The following RBFOX1 variants were observed in gnomAD, a reference collection of about 807,000 sequenced individuals.
The protein encoded by RBFOX1 is RNA binding protein fox-1 homolog 1.
In RBFOX1, 8 loss-of-function variants were observed where a neutral mutation model predicts 57.7. That is an observed-to-expected ratio of 0.14 (90% CI 0.08 to 0.25). The LOEUF is 0.25. Among genes scored for constraint, RBFOX1 ranks in the 10% least tolerant of loss-of-function variants. RBFOX1 has a pLI of 1.00. For missense variants in RBFOX1, 611 were observed against 548.5 expected, an observed-to-expected ratio of 1.11 and a Z score of -1.14; for synonymous variants, 326 against 222.4, an observed-to-expected ratio of 1.47 and a Z score of -4.15.
At chr16:6,964,340 G>T (rs958420355) in intron 3 of RBFOX1, among the ~76,000 whole-genome samples, 48 of 152,322 alleles carry the variant, frequency 3.2e-4, no homozygotes, top group African/African-American at 1.1e-3. Context: ...TTTTAGGGCA[G>T]TGAAAATACT....
chr16:5,783,532 A>G lies in RBFOX1; in HGVS notation c.319-83771A>G, dbSNP rs565631332. On this transcript the variant is annotated intron_variant, in intron 3 of 19. Coordinates refer to the RBFOX1 transcript ENST00000641259. ...ATCACCCTCATCCCGTTATCCAGAC[A>G]TCACGTCTGTTTTCATCGTGGTAAA... Among the ~76,000 whole-genome samples, 8 of 152,360 alleles carry G rather than the reference A, an allele frequency of 5.3e-5. No individual in the cohort carries two copies. The South Asian group carries it at 1.2e-3, about 24-fold the overall frequency.
intron 3 of RBFOX1, among the ~76,000 whole-genome samples, chr16:6,739,669 G>T (rs1039335205): frequency 6.6e-6 from 1 of 152,128 alleles, no homozygotes; most frequent in Non-Finnish European, 1.5e-5. Flanking sequence ...ATGAGGTCAC[G>T]AGTTCGAGAC....
chr16:5,392,264 T>C (rs2066432495), intron 1 of RBFOX1, among the ~76,000 whole-genome samples: 1 of 151,936 alleles, frequency 6.6e-6, no homozygotes, highest in Non-Finnish European at 1.5e-5. Flanking sequence ...TACCACCTGT[T>C]CCTCTAAAAC....
intron 3 of RBFOX1, among the ~76,000 whole-genome samples, chr16:7,006,726 A>T (rs900480100): frequency 1.8e-4 from 28 of 152,144 alleles, no homozygotes; most frequent in African/African-American, 6.3e-4. Context: ...GGGATTACGG[A>T]CATGAGCCAC....
chr16:7,526,485 G>A (rs892515968), intron 5 of RBFOX1, among the ~76,000 whole-genome samples: 1 of 152,092 alleles, frequency 6.6e-6, no homozygotes, highest in Admixed American at 6.5e-5. Context: ...CCCTTCCTCA[G>A]CTGTGACCCT....
chr16:7,092,222 GTTGTTTGTTTCTC>G lies in RBFOX1; in HGVS notation c.27+40137_27+40149del, dbSNP rs551845588. ...CACTGTTTTATTAGTAGGGTTTGTTGTTGTTTGTTTCTCTTGTTTGTTTCTGCTTTAGTGTGTG... is the reference window on the plus strand; with the variant it reads ...CACTGTTTTATTAGTAGGGTTTGTTGTTGTTTGTTTCTGCTTTAGTGTGTG... On this transcript the variant is annotated intron_variant, in intron 4 of 15. Transcript: ENST00000550418. 9.2e-5 allele frequency among the ~76,000 whole-genome samples: 14 copies of G among 152,302 alleles called. No individual in the cohort carries two copies. The East Asian group carries it at 1.4e-3, about 15-fold the overall frequency.
intron 2 of RBFOX1, among the ~76,000 whole-genome samples, chr16:5,548,169 A>AT (rs1567217442): frequency 3.7e-3 from 161 of 42,952 alleles, no homozygotes; most frequent in African/African-American, 5.0e-3. Flanking sequence ...AAAAAAAAAA[A>AT]AAAAAATATA....
intron 2 of RBFOX1, among the ~76,000 whole-genome samples, chr16:5,490,372 C>T (rs1191463260): frequency 6.6e-6 from 1 of 152,198 alleles, no homozygotes; most frequent in Non-Finnish European, 1.5e-5. Context: ...AGGAGCTTTG[C>T]TCAGGGGCAC....
At chr16:5,900,758 G>A (rs187677997) in intron 4 of RBFOX1, among the ~76,000 whole-genome samples, 1 of 152,276 alleles carries the variant, frequency 6.6e-6, no homozygotes, top group Admixed American at 6.5e-5. Context: ...AGGGGATGGT[G>A]CCAGGAATGT....
chr16:7,526,208 C>G (rs114101689), intron 5 of RBFOX1, among the ~76,000 whole-genome samples: 284 of 152,318 alleles, frequency 1.9e-3, no homozygotes, highest in African/African-American at 6.6e-3. Flanking sequence ...AAACCATCCT[C>G]CCTGCCCCAC....
chr16:7,483,490 AGT>A (rs2151297309), intron 4 of RBFOX1, among the ~76,000 whole-genome samples: 1 of 152,324 alleles, frequency 6.6e-6, no homozygotes, highest in Non-Finnish European at 1.5e-5. Context: ...AAAAGCAGTT[AGT>A]GTGTGGTGGA....
intron 5 of RBFOX1, among the ~76,000 whole-genome samples, chr16:7,566,327 G>A (rs2091681870): frequency 1.3e-5 from 2 of 152,072 alleles, no homozygotes; most frequent in South Asian, 4.1e-4. Context: ...TCTGTTTCCA[G>A]CCCAGACCTA....
intron 3 of RBFOX1, among the ~76,000 whole-genome samples, chr16:6,905,582 T>C (rs1274735084): frequency 6.6e-6 from 1 of 151,304 alleles, no homozygotes; most frequent in Non-Finnish European, 1.5e-5. Flanking sequence ...GATGTTTGGT[T>C]ACCCCTTCAA....
intron 2 of RBFOX1, among the ~76,000 whole-genome samples, chr16:5,540,930 A>T (rs1033007459): frequency 6.6e-6 from 1 of 150,940 alleles, no homozygotes; most frequent in African/African-American, 2.4e-5. Context: ...GCTCACTGCA[A>T]CCTCCACCTC....
At chr16:6,492,323 AC>A (rs1403745274) in intron 2 of RBFOX1, among the ~76,000 whole-genome samples, 1 of 152,212 alleles carries the variant, frequency 6.6e-6, no homozygotes, top group African/African-American at 2.4e-5. Flanking sequence ...GTAATCCAAC[AC>A]TTTGGGAGGC....
chr16:7,580,670 C>T (rs987987916), intron 6 of RBFOX1, among the ~76,000 whole-genome samples: 2 of 152,140 alleles, frequency 1.3e-5, no homozygotes, highest in South Asian at 2.1e-4. Flanking sequence ...TCATCTTGCC[C>T]CTGATTATTT....
intron 5 of RBFOX1, among the ~76,000 whole-genome samples, chr16:7,558,913 G>C (rs112474617): frequency 6.6e-6 from 1 of 152,122 alleles, no homozygotes; most frequent in African/African-American, 2.4e-5. Flanking sequence ...ATGCTAGTGG[G>C]CATTTATGCT....
At chr16:6,828,051 A>G (rs1455888610) in intron 3 of RBFOX1, among the ~76,000 whole-genome samples, 1 of 152,152 alleles carries the variant, frequency 6.6e-6, no homozygotes, top group Non-Finnish European at 1.5e-5. Flanking sequence ...AACCCTTGAG[A>G]AAATGATTAA....
intron 3 of RBFOX1, among the ~76,000 whole-genome samples, chr16:7,034,847 T>C (rs1020024432): frequency 2.3e-5 from 2 of 85,850 alleles, no homozygotes; most frequent in Non-Finnish European, 4.2e-5. Flanking sequence ...TTTTCTTTTT[T>C]CTTTTTTTTT....
Sources: gnomAD v4.1 joint callset for allele counts (sites outside exome capture counted in the v4.1 genomes callset) on GRCh38, gnomAD v4.1.1 for gene constraint, MANE v1.5 for transcripts, NCBI Gene and HGNC (gene_info 2026-07-23, HGNC 2026-07-21) for gene names.